The following EDNRA variants were observed in gnomAD, a reference collection of about 807,000 sequenced individuals.
The protein encoded by EDNRA is endothelin receptor type A.
Under a neutral mutation model 41.4 loss-of-function variants are expected in EDNRA, and 11 were observed. The observed-to-expected ratio is 0.27, with a 90% CI of 0.17 to 0.44. The LOEUF (loss-of-function observed/expected upper bound fraction) is 0.44, where lower values mean the gene tolerates loss of function less well. Ranked by LOEUF, EDNRA falls within the 20% of genes least tolerant of loss-of-function variation. The pLI, the probability that EDNRA is intolerant of heterozygous loss-of-function variation, is 1.00. For synonymous variants in EDNRA, 172 were observed against 183.0 expected, an observed-to-expected ratio of 0.94 and a Z score of 0.49; for missense variants, 294 against 531.0, an observed-to-expected ratio of 0.55 and a Z score of 4.39.
intron 2 of EDNRA, among the ~76,000 whole-genome samples, chr4:147,496,816 T>G (rs924237015): frequency 1.3e-5 from 2 of 152,244 alleles, no homozygotes; most frequent in Non-Finnish European, 2.9e-5. Flanking sequence ...AATATCGCAC[T>G]TTCTCAATTC....
intron 3 of EDNRA, among the ~76,000 whole-genome samples, chr4:147,524,710 C>T (rs1023686153): frequency 1.3e-5 from 2 of 152,086 alleles, no homozygotes; most frequent in Non-Finnish European, 2.9e-5. Context: ...CCTAGACACA[C>T]ACTTTACTAT....
intron 2 of EDNRA, among the ~76,000 whole-genome samples, chr4:147,500,090 C>CCACCA (rs1729460266): frequency 6.6e-6 from 1 of 152,100 alleles, no homozygotes; most frequent in African/African-American, 2.4e-5. Context: ...CGAGTGTGAG[C>CCACCA]CACCACACCT....
intron 3 of EDNRA, among the ~76,000 whole-genome samples, chr4:147,520,681 A>T (rs945887235): frequency 6.6e-6 from 1 of 152,218 alleles, no homozygotes; most frequent in East Asian, 1.9e-4. Flanking sequence ...TATATTTACT[A>T]TAATCTCACA....
chr4:147,487,377 T>C (rs907512478), intron 2 of EDNRA, among the ~76,000 whole-genome samples: 2 of 152,240 alleles, frequency 1.3e-5, no homozygotes, highest in Admixed American at 6.5e-5. Flanking sequence ...AATTCAGATA[T>C]ACTAAAATTC....
At chr4:147,541,850 A>G (rs893167820) in intron 7 of EDNRA, among the ~76,000 whole-genome samples, 3 of 152,218 alleles carry the variant, frequency 2.0e-5, no homozygotes, top group African/African-American at 7.2e-5. Context: ...ATTAATTATT[A>G]CTTACTCATT....
At position 147,539,674 on chromosome 4, in the gene EDNRA, A is replaced by T. The variant is rs1422402016; in HGVS notation, c.901-143A>T. The T allele has an allele frequency of 4.6e-6, 4 of 873,732 alleles. No individual in the cohort carries two copies. The African/African-American group carries it at 6.8e-5, about 15-fold the overall frequency. The allele number at this position is 873,732 out of a possible 1,614,324, so 54.1% of individuals were successfully genotyped here. ...TGACCTTAGAATCTTGAAGAGGTAGAGGCAGTGTAAGCCAGGCTGTTCTCC... is the reference window on the plus strand; with the variant it reads ...TGACCTTAGAATCTTGAAGAGGTAGTGGCAGTGTAAGCCAGGCTGTTCTCC... On this transcript the variant is annotated intron_variant, in intron 5 of 7. Coordinates refer to ENST00000651419, the MANE Select transcript of EDNRA (RefSeq NM_001957.4).
chr4:147,490,000 C>T (rs953197319), intron 2 of EDNRA: 3 of 152,182 alleles, frequency 2.0e-5, no homozygotes, highest in African/African-American at 7.2e-5. Flanking sequence ...CTCAGAGAGA[C>T]TGAATGTAGT....
chr4:147,513,569 T>G (rs926006235), intron 2 of EDNRA, among the ~76,000 whole-genome samples: 9 of 152,186 alleles, frequency 5.9e-5, no homozygotes, highest in African/African-American at 1.4e-4. Context: ...ATGTTTTTGT[T>G]TGCTACTGAG....
intron 2 of EDNRA, among the ~76,000 whole-genome samples, chr4:147,501,597 C>G (rs989247220): frequency 6.6e-6 from 1 of 152,122 alleles, no homozygotes; most frequent in African/African-American, 2.4e-5. Flanking sequence ...ATAAGAAAAT[C>G]CAAATATATA....
At chr4:147,492,282 A>C (rs1435098803) in intron 2 of EDNRA, 1 of 152,230 alleles carries the variant, frequency 6.6e-6, no homozygotes, top group African/African-American at 2.4e-5. Context: ...CCAGCTTTAA[A>C]AATATTAGGT....
intron 2 of EDNRA, chr4:147,488,643 A>G (rs1729026475): frequency 6.6e-6 from 1 of 152,236 alleles, no homozygotes; most frequent in Non-Finnish European, 1.5e-5. Context: ...TCCAGAGGAA[A>G]AGAGAAAAAA....
intron 5 of EDNRA, 25 bp from the exon 6 acceptor site, chr4:147,539,792 C>T: frequency 1.9e-6 from 3 of 1,600,388 alleles, no homozygotes; most frequent in Non-Finnish European, 2.6e-6. Flanking sequence ...ATTTGTTGTC[C>T]TATTTTTTTC....
chr4:147,488,776 C>T (rs372714635), intron 2 of EDNRA: 7 of 152,324 alleles, frequency 4.6e-5, no homozygotes, highest in African/African-American at 1.2e-4. Context: ...AAGCAGGATA[C>T]TCAAGAGATC....
chr4:147,504,135 A>T (rs1487700731), intron 2 of EDNRA, among the ~76,000 whole-genome samples: 1 of 152,218 alleles, frequency 6.6e-6, no homozygotes, highest in Non-Finnish European at 1.5e-5. Context: ...CCTCACAAAA[A>T]AAAATGTCGT....
chr4:147,505,202 TAAA>T (rs565487803), intron 2 of EDNRA, among the ~76,000 whole-genome samples: 2 of 90,304 alleles, frequency 2.2e-5, no homozygotes, highest in Non-Finnish European at 2.2e-5. Context: ...GGCTAAAATG[TAAA>T]AAAAAAAAAA....
chr4:147,503,591 G>A (rs919275280), intron 2 of EDNRA, among the ~76,000 whole-genome samples: 5 of 152,154 alleles, frequency 3.3e-5, no homozygotes, highest in Non-Finnish European at 7.3e-5. Context: ...TCAAAAAAGT[G>A]ATTACCAAAA....
Position 147,519,304 on chromosome 4 carries a change from A to G in EDNRA, c.421-547A>G, listed in dbSNP as rs1436555134. 6.6e-6 allele frequency among the ~76,000 whole-genome samples: 1 copy of G among 152,144 alleles called. No individual in the cohort carries two copies. The highest frequency in any genetic ancestry group is 1.5e-5 in the Non-Finnish European group (1 of 68,008). On this transcript the variant is annotated intron_variant, in intron 2 of 7. Coordinates refer to ENST00000651419, the MANE Select transcript of EDNRA (RefSeq NM_001957.4). The surrounding 1 kb of genome is among the most constrained non-coding windows in gnomAD (Gnocchi z 4.1). The stretch of plus-strand genomic sequence containing the variant: ...TTTGTTTTTTTCCAGTATTCTCCCT[A>G]ACCTTTCATTCTTAATTTCAGAGAC...
chr4:147,507,868 T>G (rs1488100603), intron 2 of EDNRA, among the ~76,000 whole-genome samples: 1 of 152,214 alleles, frequency 6.6e-6, no homozygotes, highest in Non-Finnish European at 1.5e-5. Context: ...TGGTATCCCG[T>G]GGTGGTTTTA....
At chr4:147,540,355 A>C (rs200638468) in intron 6 of EDNRA, 22 bp from the exon 7 acceptor site, 1 of 1,516,936 alleles carries the variant, frequency 6.6e-7, no homozygotes, top group Non-Finnish European at 9.1e-7. Context: ...TAATTATTCT[A>C]CACCATTTTC....
Sources: gnomAD v4.1 joint callset for allele counts (sites outside exome capture counted in the v4.1 genomes callset) on GRCh38, gnomAD v4.1.1 for gene constraint, Gnocchi (gnomAD v3.1) non-coding constraint, MANE v1.5 for transcripts, NCBI Gene and HGNC (gene_info 2026-07-23, HGNC 2026-07-21) for gene names.